The following FAM117B variants were observed in gnomAD, a reference collection of about 807,000 sequenced individuals.
FAM117B encodes the protein protein FAM117B.
FAM117B carries 22 observed loss-of-function variants against 52.8 expected under a neutral mutation model. The observed-to-expected ratio is 0.42, with a 90% CI of 0.30 to 0.59. The LOEUF (loss-of-function observed/expected upper bound fraction) is 0.59. Among genes scored for constraint, FAM117B ranks in the 20% least tolerant of loss-of-function variants. The pLI, the probability that FAM117B is intolerant of heterozygous loss-of-function variation, is 0.22. For missense variants in FAM117B, 678 were observed against 802.6 expected, an observed-to-expected ratio of 0.84 and a Z score of 1.88; for synonymous variants, 309 against 324.1, an observed-to-expected ratio of 0.95 and a Z score of 0.50.
chr2:202,640,349 G>C (rs1689753387), intron 1 of FAM117B, among the ~76,000 whole-genome samples: 1 of 86,480 alleles, frequency 1.2e-5, no homozygotes, highest in Non-Finnish European at 2.3e-5. Flanking sequence ...TATATGGCAA[G>C]TCGTGTTCTT....
intron 2 of FAM117B, among the ~76,000 whole-genome samples, chr2:202,717,011 G>C (rs1399550919): frequency 6.6e-6 from 1 of 152,076 alleles, no homozygotes; most frequent in Non-Finnish European, 1.5e-5. Flanking sequence ...TCTAGCATTG[G>C]TCTCCGGTTC....
chr2:202,744,324 A>C (rs1318956147), intron 4 of FAM117B, among the ~76,000 whole-genome samples: 1 of 152,244 alleles, frequency 6.6e-6, no homozygotes, highest in East Asian at 1.9e-4. Context: ...ATATCAAGTG[A>C]GGAAGCAAGA....
Position 202,724,900 on chromosome 2 carries a change from C to T in FAM117B, c.754-17C>T, listed in dbSNP as rs1341804119. The T allele has an allele frequency of 1.3e-6, 2 of 1,579,130 alleles. No individual in the cohort carries two copies. The highest frequency in any genetic ancestry group is 1.7e-6 in the Non-Finnish European group (2 of 1,160,942). ...ATGATTTTTGTTAAATACACCTCCCCTCTTTTTTCATTACAGACAGAGAGT... is the reference window on the plus strand; with the variant it reads ...ATGATTTTTGTTAAATACACCTCCCTTCTTTTTTCATTACAGACAGAGAGT... On this transcript the variant is annotated splice_polypyrimidine_tract_variant and intron_variant, in intron 2 of 7. Transcript: ENST00000392238.
At chr2:202,643,751 C>T (rs1689809598) in intron 1 of FAM117B, among the ~76,000 whole-genome samples, 1 of 151,972 alleles carries the variant, frequency 6.6e-6, no homozygotes, top group South Asian at 2.1e-4. Context: ...GCTCTGTCAC[C>T]CAGGCTGGAG....
At chr2:202,710,520 GAT>G (rs1473580902) in intron 2 of FAM117B, among the ~76,000 whole-genome samples, 2 of 151,960 alleles carry the variant, frequency 1.3e-5, no homozygotes, top group East Asian at 3.9e-4. Context: ...GAGTAAATGA[GAT>G]ATCTATCACC....
At chr2:202,743,012 C>T (rs914960375) in intron 4 of FAM117B, among the ~76,000 whole-genome samples, 10 of 152,186 alleles carry the variant, frequency 6.6e-5, no homozygotes, top group African/African-American at 2.4e-4. Flanking sequence ...ACACCACACA[C>T]AATGCCCAGA....
In FAM117B at chr2:202,765,730, C is replaced by T; in HGVS notation, c.1736C>T (p.Pro579Leu). Residue 579 changes from proline to leucine, a missense_variant, in exon 8 of 8, where the codon CCA becomes CTA. This residue lies in a region of FAM117B where 68 missense variants were observed against 80.6 expected (regional missense o/e 0.84). Transcript: ENST00000392238. ...GTCATGCCATCAGCTTCTCTACTCCCACCACCAGAACCAATTGAGGAAGCT... is the reference window on the plus strand; with the variant it reads ...GTCATGCCATCAGCTTCTCTACTCCTACCACCAGAACCAATTGAGGAAGCT... Reference protein sequence around the residue: ...STVMPSASLLPPPEPIEEAEG With the variant: ...STVMPSASLLLPPEPIEEAEG 6.2e-7 allele frequency: 1 copy of T among 1,614,128 alleles called. No homozygotes were observed. The highest frequency in any genetic ancestry group is 2.2e-5 in the East Asian group (1 of 44,878).
intron 4 of FAM117B, among the ~76,000 whole-genome samples, chr2:202,750,606 T>C (rs552130038): frequency 5.2e-4 from 79 of 152,226 alleles, no homozygotes; most frequent in African/African-American, 1.6e-3. Flanking sequence ...ACATATGATT[T>C]TGGGGGGACA....
intron 2 of FAM117B, among the ~76,000 whole-genome samples, chr2:202,699,426 C>CAAAAAAA (rs751190825): frequency 2.2e-3 from 40 of 17,808 alleles, no homozygotes; most frequent in South Asian, 6.1e-3. Context: ...GACCCCATCT[C>CAAAAAAA]AAAAAAAAAA....
At chr2:202,749,359 TC>T (rs1691685900) in intron 4 of FAM117B, among the ~76,000 whole-genome samples, 1 of 151,272 alleles carries the variant, frequency 6.6e-6, no homozygotes, top group African/African-American at 2.4e-5. Flanking sequence ...AGTAATGCCC[TC>T]ATAAAAAAAT....
At chr2:202,711,624 A>G (rs1047610347) in intron 2 of FAM117B, among the ~76,000 whole-genome samples, 2 of 152,166 alleles carry the variant, frequency 1.3e-5, no homozygotes, top group African/African-American at 4.8e-5. Context: ...TTGCCCAGAC[A>G]AACATCATGG....
At chr2:202,726,123 TTG>T (rs1691240713) in intron 3 of FAM117B, 125 bp from the exon 4 acceptor site, 1 of 615,434 alleles carries the variant, frequency 1.6e-6, no homozygotes, top group African/African-American at 1.8e-5. Flanking sequence ...AAATGAGACT[TTG>T]TGATATGGTT....
chr2:202,657,159 C>T (rs1423608935), intron 1 of FAM117B, among the ~76,000 whole-genome samples: 2 of 152,134 alleles, frequency 1.3e-5, no homozygotes, highest in African/African-American at 4.8e-5. Context: ...ATGATCTTGG[C>T]TCACTGCAAC....
At chr2:202,658,863 ATTAT>A (rs1316898266) in intron 1 of FAM117B, among the ~76,000 whole-genome samples, 2 of 151,958 alleles carry the variant, frequency 1.3e-5, no homozygotes, top group East Asian at 1.9e-4. Flanking sequence ...TGTTCACTTA[ATTAT>A]TTATGTTTCT....
At chr2:202,761,443 G>GGT (rs758690586) in intron 7 of FAM117B, among the ~76,000 whole-genome samples, 5 of 151,956 alleles carry the variant, frequency 3.3e-5, no homozygotes, top group Non-Finnish European at 7.4e-5. Context: ...AGACCAGAGA[G>GGT]GTGTGTGTGT....
At chr2:202,655,712 G>GACAGAC (rs1324745950) in intron 1 of FAM117B, among the ~76,000 whole-genome samples, 1 of 36,078 alleles carries the variant, frequency 2.8e-5, no homozygotes, top group Non-Finnish European at 4.5e-5. Context: ...GAGAGTGAGA[G>GACAGAC]AGAGAGAGAG....
chr2:202,743,403 A>G (rs959795795), intron 4 of FAM117B, among the ~76,000 whole-genome samples: 15 of 152,176 alleles, frequency 9.9e-5, no homozygotes, highest in African/African-American at 3.4e-4. Context: ...GGCTTTCCCT[A>G]TGAAAGCCAA....
Position 202,656,221 on chromosome 2 carries a change from C to T in FAM117B, c.601+20433C>T, listed in dbSNP as rs553135001. Among the ~76,000 whole-genome samples, 39 of 152,178 alleles carry T rather than the reference C, an allele frequency of 2.6e-4. No individual in the cohort carries two copies. In the South Asian group the frequency reaches 7.9e-3, roughly 31 times the overall value. On this transcript the variant is annotated intron_variant, in intron 1 of 7. Coordinates refer to ENST00000392238, the MANE Select transcript of FAM117B (RefSeq NM_173511.4). Reference sequence around the variant, plus strand: ...TTTGTTATTTTTTCATTTCATTCATCTCTGCTCTCGTCTTTATTTTCTTCC... The same window carrying T: ...TTTGTTATTTTTTCATTTCATTCATTTCTGCTCTCGTCTTTATTTTCTTCC...
intron 1 of FAM117B, among the ~76,000 whole-genome samples, chr2:202,637,064 T>G (rs1689697224): frequency 6.6e-6 from 1 of 151,606 alleles, no homozygotes; most frequent in East Asian, 1.9e-4. Flanking sequence ...GCCCGGCTAA[T>G]TTTTGTATTT....
Sources: allele counts gnomAD v4.1 joint callset (sites outside exome capture counted in the v4.1 genomes callset), GRCh38; gene constraint gnomAD v4.1.1; regional missense constraint gnomAD v4.1.1; transcripts MANE v1.5; gene names NCBI Gene and HGNC (gene_info 2026-07-23, HGNC 2026-07-21).